Variants in HACD2 observed in about 807,000 individuals in gnomAD.
The protein encoded by HACD2 is very-long-chain (3R)-3-hydroxyacyl-CoA dehydratase 2.
HACD2 carries 15 observed loss-of-function variants against 31.0 expected under a neutral mutation model. That is an observed-to-expected ratio of 0.48 (90% CI 0.32 to 0.75). The LOEUF is 0.75. Ranked by LOEUF, HACD2 falls within the 30% of genes least tolerant of loss-of-function variation. HACD2 has a pLI of 0.03. For synonymous variants in HACD2, 115 were observed against 122.2 expected (o/e 0.94, Z 0.39); for missense variants, 283 against 313.0 (o/e 0.90, Z 0.72).
At chr3:123,499,564 AG>A in intron 6 of HACD2, 1 of 445,158 alleles carries the variant, frequency 2.2e-6, no homozygotes, top group South Asian at 1.6e-5. Flanking sequence ...GAGGGACACA[AG>A]CATGTCGCTT....
At chr3:123,531,944 A>T (rs529383838) in intron 3 of HACD2, among the ~76,000 whole-genome samples, 4 of 152,146 alleles carry the variant, frequency 2.6e-5, no homozygotes, top group African/African-American at 7.2e-5. Flanking sequence ...ACCTTTTTTT[A>T]AAAAAAGGAT....
intron 3 of HACD2, among the ~76,000 whole-genome samples, chr3:123,551,681 A>G (rs977231306): frequency 3.3e-5 from 5 of 152,018 alleles, no homozygotes; most frequent in African/African-American, 1.2e-4. Context: ...CTGGAGGGAC[A>G]CTGGGAAGTC....
intron 3 of HACD2, among the ~76,000 whole-genome samples, chr3:123,545,506 T>C (rs1261319540): frequency 1.2e-5 from 1 of 85,540 alleles, no homozygotes; most frequent in Non-Finnish European, 2.4e-5. Flanking sequence ...AATAAATAAA[T>C]AAATAAATAA....
In HACD2 at chr3:123,540,505, G is replaced by T. The variant is rs890377491; in HGVS notation, c.293-12031C>A. On this transcript the variant is annotated intron_variant, in intron 3 of 6. Coordinates refer to ENST00000383657, the MANE Select transcript of HACD2 (RefSeq NM_198402.5). ...TTCCTTTCTGAAGATAACTTAAAAG[G>T]GTGTCACGTTTTGAAAAAGATGAAA... Among the ~76,000 whole-genome samples, 22 of 152,194 alleles carry T rather than the reference G, an allele frequency of 1.4e-4. No homozygotes were observed. In the South Asian group the frequency reaches 2.7e-3, roughly 19 times the overall value.
intron 4 of HACD2, among the ~76,000 whole-genome samples, chr3:123,519,501 G>A (rs2056186915): frequency 6.6e-6 from 1 of 152,230 alleles, no homozygotes; most frequent in South Asian, 2.1e-4. Flanking sequence ...TCACAGGAGT[G>A]ATGGGGGTAA....
At chr3:123,537,232 T>C (rs137989442) in intron 3 of HACD2, among the ~76,000 whole-genome samples, 1 of 152,294 alleles carries the variant, frequency 6.6e-6, no homozygotes, top group Non-Finnish European at 1.5e-5. Context: ...AATGAAAATA[T>C]AGGTAAACAT....
intron 3 of HACD2, among the ~76,000 whole-genome samples, chr3:123,550,118 G>A (rs752289979): frequency 1.1e-4 from 16 of 152,110 alleles, no homozygotes; most frequent in Admixed American, 2.6e-4. Flanking sequence ...AGACCAGCCT[G>A]GGCAACATAG....
At chr3:123,519,805 G>A (rs2067888) in intron 4 of HACD2, among the ~76,000 whole-genome samples, 5,218 of 152,318 alleles carry the variant, frequency 0.034, 90 homozygotes, top group Middle Eastern at 0.088. Flanking sequence ...AATGCCACCT[G>A]TTGTACTGTG....
chr3:123,537,081 T>C (rs1440915062), intron 3 of HACD2, among the ~76,000 whole-genome samples: 2 of 152,194 alleles, frequency 1.3e-5, no homozygotes, highest in East Asian at 1.9e-4. Context: ...ATTATGGTCA[T>C]AGACTATATT....
intron 4 of HACD2, among the ~76,000 whole-genome samples, chr3:123,508,880 G>T (rs1026048917): frequency 7.2e-5 from 11 of 152,128 alleles, no homozygotes; most frequent in African/African-American, 2.7e-4. Flanking sequence ...TCTGGTGAGG[G>T]GTCTTTTCCT....
chr3:123,504,868 C>A (rs377288832), intron 4 of HACD2, among the ~76,000 whole-genome samples: 1 of 117,768 alleles, frequency 8.5e-6, no homozygotes, highest in Non-Finnish European at 1.7e-5. Flanking sequence ...AATTATACAA[C>A]CAATAACTCA....
At chr3:123,547,491 C>T (rs558104417) in intron 3 of HACD2, among the ~76,000 whole-genome samples, 41 of 152,284 alleles carry the variant, frequency 2.7e-4, no homozygotes, top group Admixed American at 7.8e-4. Context: ...GGTCCCAGAG[C>T]AGGTTCCTGT....
rs530430356 is a variant in HACD2, at chr3:123,582,692, A to G, written c.156-363T>C. On this transcript the variant is annotated intron_variant, in intron 1 of 6. Coordinates refer to ENST00000383657, the MANE Select transcript of HACD2 (RefSeq NM_198402.5). ...AAGACGAGAAAAAAACAGTTAAAGG[A>G]AAATTTTAAACAGCCTGTGCAGTTA... Among the ~76,000 whole-genome samples, 12 of 152,318 alleles carry G rather than the reference A, an allele frequency of 7.9e-5. No homozygotes were observed. The East Asian group carries it at 2.3e-3, about 29-fold the overall frequency.
Position 123,540,093 on chromosome 3 carries a change from A to AAAAAG in HACD2, c.293-11624_293-11620dup, listed in dbSNP as rs539238686. ...AGTGAGACCCTGTCTAAAAAAAAAA[A>AAAAAG]AAAAGAAAAGAAAAGAAAGAAAAAA... On this transcript the variant is annotated intron_variant, in intron 3 of 6. Coordinates refer to ENST00000383657, the MANE Select transcript of HACD2 (RefSeq NM_198402.5). 3.9e-3 allele frequency among the ~76,000 whole-genome samples: 593 copies of AAAAAG among 151,272 alleles called. 3 individuals carry two copies. Among genetic ancestry groups the AAAAAG allele is most frequent in the African/African-American group, 0.014 (558 of 41,260 alleles).
At position 123,584,994 on chromosome 3, in the gene HACD2, C is replaced by T. The variant is rs1041333420; in HGVS notation, c.34G>A (p.Gly12Arg). ...GCCCTGCCACCGCCGCCCCCATTCC[C>T]CTTCGCTGCTGCAGTCGCCGCCACT... is the stretch of plus-strand genomic sequence containing the variant. Reference protein sequence around the residue: ...AAVAATAAAKGNGGGGGRAGA... With the variant: ...AAVAATAAAKRNGGGGGRAGA... Residue 12 changes from glycine to arginine, a missense_variant, in exon 1 of 7, where the codon GGG becomes AGG. Physicochemically the swap from Gly to Arg is moderately radical, Grantham distance 125. Transcript: ENST00000383657. The T allele has an allele frequency of 3.3e-6, 5 of 1,523,300 alleles. No individual in the cohort carries two copies. The highest frequency in any genetic ancestry group is 4.4e-6 in the Non-Finnish European group (5 of 1,136,778). The allele number at this position is 1,523,300 out of a possible 1,614,324, so 94.4% of individuals were successfully genotyped here.
chr3:123,579,009 T>C (rs1041740587), intron 2 of HACD2, among the ~76,000 whole-genome samples: 4 of 152,230 alleles, frequency 2.6e-5, no homozygotes, highest in African/African-American at 7.2e-5. Context: ...GCAACGTTAA[T>C]TGCCTGCATG....
chr3:123,553,108 G>A (rs2056637282), intron 3 of HACD2, among the ~76,000 whole-genome samples: 1 of 152,008 alleles, frequency 6.6e-6, no homozygotes, highest in Non-Finnish European at 1.5e-5. Flanking sequence ...ATACTGAAAG[G>A]GCCTATTGGG....
chr3:123,502,910 G>C (rs2055922721), intron 4 of HACD2: 2 of 456,946 alleles, frequency 4.4e-6, no homozygotes, highest in African/African-American at 1.9e-5. Flanking sequence ...CCAGGAGTGA[G>C]AGCAGCAGGG....
rs147552588 is a variant in HACD2 at position 123,502,014 on chromosome 3, G to A, written c.503+546C>T. ...CTGTCTCATGGACTCATTAAGGTAAGCAGATGAACTACTAGCCTTTTACCA... is the reference window on the plus strand; with the variant it reads ...CTGTCTCATGGACTCATTAAGGTAAACAGATGAACTACTAGCCTTTTACCA... On this transcript the variant is annotated intron_variant, in intron 5 of 6. Transcript: ENST00000383657. Among the ~76,000 whole-genome samples, 5 of 152,292 alleles carry A rather than the reference G, an allele frequency of 3.3e-5. No homozygotes were observed. The East Asian group carries it at 9.6e-4, about 29-fold the overall frequency.
Sources: allele counts gnomAD v4.1 joint callset (sites outside exome capture counted in the v4.1 genomes callset), GRCh38; gene constraint gnomAD v4.1.1; transcripts MANE v1.5; gene names NCBI Gene and HGNC (gene_info 2026-07-23, HGNC 2026-07-21).